Variants in MALRD1 observed in about 807,000 individuals in gnomAD.
MALRD1 encodes the protein MAM and LDL-receptor class A domain-containing protein 1.
Under a neutral mutation model 242.1 loss-of-function variants are expected in MALRD1, and 247 were observed. The observed-to-expected ratio is 1.02, with a 90% CI of 0.92 to 1.13. The LOEUF (loss-of-function observed/expected upper bound fraction) is 1.13. Ranked by LOEUF, MALRD1 falls within the 50% of genes most tolerant of loss-of-function variation. The pLI, the probability that MALRD1 is intolerant of heterozygous loss-of-function variation, is 0.00. For missense variants in MALRD1, 2,989 were observed against 2,533.1 expected, an observed-to-expected ratio of 1.18 and a Z score of -3.86; for synonymous variants, 995 against 866.6, an observed-to-expected ratio of 1.15 and a Z score of -2.60.
intron 31 of MALRD1, among the ~76,000 whole-genome samples, chr10:19,513,441 T>C (rs1318252353): frequency 6.8e-6 from 1 of 146,892 alleles, no homozygotes; most frequent in African/African-American, 2.6e-5. Context: ...TTTTTTTTTT[T>C]GAAAATTATC....
At chr10:19,435,251 C>A (rs1334524304) in intron 28 of MALRD1, among the ~76,000 whole-genome samples, 1 of 151,828 alleles carries the variant, frequency 6.6e-6, no homozygotes, top group African/African-American at 2.4e-5. Flanking sequence ...GTAATTATTG[C>A]AAAGATAGTA....
At chr10:19,723,761 A>T (rs1005482447) in intron 38 of MALRD1, among the ~76,000 whole-genome samples, 22 of 151,488 alleles carry the variant, frequency 1.5e-4, no homozygotes, top group Non-Finnish European at 2.2e-4. Context: ...AAAATAAAAA[A>T]ATTTGAACTT....
At chr10:19,291,273 G>C (rs1393569962) in intron 21 of MALRD1, 1 of 152,116 alleles carries the variant, frequency 6.6e-6, no homozygotes, top group Non-Finnish European at 1.5e-5. Context: ...TTCTAACTCT[G>C]CTCATAGAAC....
Position 19,640,113 on chromosome 10 carries a change from G to A in MALRD1, c.6137+24190G>A, listed in dbSNP as rs574376510. On this transcript the variant is annotated intron_variant, in intron 36 of 39. Transcript: ENST00000454679. ...TTAATTTTATTTTTTTCTTGAGAAAGAGTTTCGCTCTTGTCACCCAGGCTG... is the reference window on the plus strand; with the variant it reads ...TTAATTTTATTTTTTTCTTGAGAAAAAGTTTCGCTCTTGTCACCCAGGCTG... 2.6e-5 allele frequency among the ~76,000 whole-genome samples: 4 copies of A among 152,200 alleles called. No individual in the cohort carries two copies. In the South Asian group the frequency reaches 8.3e-4, roughly 32 times the overall value.
intron 38 of MALRD1, 140 bp from the exon 39 acceptor site, chr10:19,730,566 C>T: frequency 1.1e-6 from 1 of 893,678 alleles, no homozygotes; most frequent in East Asian, 2.7e-5. Context: ...ACAAACTTTA[C>T]TTATGGTAAT....
chr10:19,482,404 A>G (rs1199049775), intron 29 of MALRD1, among the ~76,000 whole-genome samples: 1 of 152,046 alleles, frequency 6.6e-6, no homozygotes, highest in Non-Finnish European at 1.5e-5. Flanking sequence ...TTTATTAGAA[A>G]ATTTTCTGGG....
At chr10:19,729,615 A>G (rs1835194289) in intron 38 of MALRD1, among the ~76,000 whole-genome samples, 1 of 118,858 alleles carries the variant, frequency 8.4e-6, no homozygotes, top group Non-Finnish European at 1.7e-5. Context: ...GTGTGTGTGT[A>G]TTTAGTTCTT....
chr10:19,261,445 G>T (rs192695049), intron 19 of MALRD1, among the ~76,000 whole-genome samples: 2 of 118,862 alleles, frequency 1.7e-5, no homozygotes, highest in South Asian at 2.3e-4. Context: ...TGAGCTCTAC[G>T]TAAAAAAAAA....
chr10:19,198,768 T>C (rs1443121952), intron 14 of MALRD1, among the ~76,000 whole-genome samples: 3 of 152,220 alleles, frequency 2.0e-5, no homozygotes, highest in Non-Finnish European at 4.4e-5. Context: ...TATTTATGTA[T>C]TGGCATTTTT....
intron 30 of MALRD1, among the ~76,000 whole-genome samples, chr10:19,495,218 C>G (rs886524831): frequency 1.3e-5 from 2 of 152,080 alleles, no homozygotes; most frequent in Non-Finnish European, 2.9e-5. Flanking sequence ...CTCAAGTGAT[C>G]TGCCTGCCTC....
At chr10:19,267,381 T>A (rs1577292) in intron 19 of MALRD1, among the ~76,000 whole-genome samples, 2 of 151,944 alleles carry the variant, frequency 1.3e-5, no homozygotes, top group East Asian at 3.9e-4. Flanking sequence ...ATTTTAAGGA[T>A]GCTTAACATA....
chr10:19,380,304 C>T (rs1343190566), intron 26 of MALRD1, among the ~76,000 whole-genome samples: 2 of 150,066 alleles, frequency 1.3e-5, no homozygotes, highest in South Asian at 2.1e-4. Flanking sequence ...ATTGAATGAC[C>T]CTTTATTACT....
chr10:19,248,714 G>C (rs1488014573), intron 18 of MALRD1, among the ~76,000 whole-genome samples: 2 of 151,316 alleles, frequency 1.3e-5, no homozygotes. Flanking sequence ...GTCTTTCTAT[G>C]GGCCTATGGA....
chr10:19,443,285 G>T (rs1048847892), intron 28 of MALRD1, among the ~76,000 whole-genome samples: 3 of 152,080 alleles, frequency 2.0e-5, no homozygotes, highest in African/African-American at 4.8e-5. Context: ...TGGATTCATT[G>T]ATTTTTTGAA....
intron 5 of MALRD1, among the ~76,000 whole-genome samples, chr10:19,121,521 G>A (rs569978650): frequency 6.6e-6 from 1 of 152,140 alleles, no homozygotes; most frequent in African/African-American, 2.4e-5. Flanking sequence ...GAAGGTTGTC[G>A]GATCAGGAGA....
intron 12 of MALRD1, among the ~76,000 whole-genome samples, chr10:19,165,289 T>C (rs548076307): frequency 8.4e-6 from 1 of 118,870 alleles, no homozygotes; most frequent in South Asian, 3.1e-4. Context: ...TGTTTTTGTT[T>C]TGTTTTGTTT....
intron 27 of MALRD1, 95 bp downstream of exon 27, chr10:19,387,868 C>A: frequency 1.4e-6 from 2 of 1,405,170 alleles, no homozygotes; most frequent in South Asian, 1.5e-5. Flanking sequence ...TCTGAAGAGA[C>A]CACCACGATG....
chr10:19,616,010 A>G (rs1054306400), intron 36 of MALRD1, 87 bp downstream of exon 36: 16 of 950,856 alleles, frequency 1.7e-5, no homozygotes, highest in Admixed American at 1.6e-4. Flanking sequence ...TAGAGCATCA[A>G]TCAGTTTGTG....
intron 31 of MALRD1, among the ~76,000 whole-genome samples, chr10:19,509,267 T>A (rs1833288555): frequency 6.6e-6 from 1 of 152,108 alleles, no homozygotes; most frequent in Non-Finnish European, 1.5e-5. Flanking sequence ...GCAACAAGCG[T>A]TTATGAGCCA....
Sources: allele counts gnomAD v4.1 joint callset (sites outside exome capture counted in the v4.1 genomes callset), GRCh38; gene constraint gnomAD v4.1.1; transcripts MANE v1.5; gene names NCBI Gene and HGNC (gene_info 2026-07-23, HGNC 2026-07-21).